The following LGR5 variants were observed in gnomAD, a reference collection of about 807,000 sequenced individuals.
The protein encoded by LGR5 is leucine rich repeat containing G protein-coupled receptor 5.
Under a neutral mutation model 76.7 loss-of-function variants are expected in LGR5, and 54 were observed. The observed-to-expected ratio is 0.70, with a 90% confidence interval of 0.57 to 0.88. The LOEUF is 0.88. Among genes scored for constraint, LGR5 ranks in the 40% least tolerant of loss-of-function variants. The pLI, the probability that LGR5 is intolerant of heterozygous loss-of-function variation, is 0.00. For synonymous variants in LGR5, 406 were observed against 421.9 expected (o/e 0.96, Z 0.46); for missense variants, 1,078 against 1,073.3 (o/e 1.00, Z -0.06).
In LGR5 at chr12:71,526,421, T is replaced by A. The variant is rs1467015522; in HGVS notation, c.356+1944T>A. Reference sequence around the variant, plus strand: ...TTATTTCTCATGCTAACTATTAAAATGTACCCTTTCCATCAGAAAAAAAAA... The same window carrying A: ...TTATTTCTCATGCTAACTATTAAAAAGTACCCTTTCCATCAGAAAAAAAAA... On this transcript the variant is annotated intron_variant, in intron 3 of 17. Coordinates refer to ENST00000266674, the MANE Select transcript of LGR5 (RefSeq NM_003667.4). Among the ~76,000 whole-genome samples the A allele has an allele frequency of 2.7e-5, 4 of 150,698 alleles. No individual in the cohort carries two copies. In the East Asian group the frequency reaches 7.7e-4, roughly 29 times the overall value.
At chr12:71,560,449 T>C (rs1252894647) in intron 7 of LGR5, among the ~76,000 whole-genome samples, 2 of 152,176 alleles carry the variant, frequency 1.3e-5, no homozygotes, top group Admixed American at 1.3e-4. Flanking sequence ...AGGAGATGTT[T>C]GTCTCGTTAT....
chr12:71,470,092 T>C (rs7976671), intron 1 of LGR5, among the ~76,000 whole-genome samples: 18,838 of 152,112 alleles, frequency 0.12, 1,288 homozygotes, highest in African/African-American at 0.18. Flanking sequence ...CTCCTGGGGG[T>C]ATCCATACCA....
chr12:71,477,023 G>A (rs1182034839), intron 1 of LGR5, among the ~76,000 whole-genome samples: 1 of 152,038 alleles, frequency 6.6e-6, no homozygotes, highest in Non-Finnish European at 1.5e-5. Flanking sequence ...ATAGTAGACA[G>A]GTACATTAAC....
At chr12:71,581,230 A>G (rs927682342) in intron 16 of LGR5, among the ~76,000 whole-genome samples, 7 of 152,230 alleles carry the variant, frequency 4.6e-5, no homozygotes, top group African/African-American at 1.7e-4. Flanking sequence ...AACTAATTCT[A>G]AATCATTCTC....
chr12:71,474,643 A>G (rs1185498939), intron 1 of LGR5, among the ~76,000 whole-genome samples: 1 of 152,228 alleles, frequency 6.6e-6, no homozygotes, highest in Non-Finnish European at 1.5e-5. Flanking sequence ...ACAAAGCAAC[A>G]TATGTTAATA....
In LGR5 at chr12:71,561,785, T is replaced by C. The variant is rs1203743034; in HGVS notation, c.790T>C (p.Phe264Leu). The C allele has an allele frequency of 6.3e-7, 1 of 1,597,114 alleles. No homozygotes were observed. The highest frequency in any genetic ancestry group is 8.6e-7 in the Non-Finnish European group (1 of 1,168,766). ...TAATTTTTTTTCTCTTTCTAGAGGA[T>C]TTCATAGCAACAATATCAGGTCGAT... ...RTLSNLKELGFHSNNIRSIPE... is the reference protein window; with the variant it reads ...RTLSNLKELGLHSNNIRSIPE... Residue 264 changes from phenylalanine (F) to leucine (L), a missense_variant, in exon 8 of 18, where the codon TTT (phenylalanine) becomes CTT (leucine). Coordinates refer to ENST00000266674, the MANE Select transcript of LGR5 (RefSeq NM_003667.4).
intron 4 of LGR5, among the ~76,000 whole-genome samples, chr12:71,545,797 C>T (rs559747597): frequency 2.0e-5 from 3 of 152,016 alleles, no homozygotes; most frequent in African/African-American, 7.2e-5. Context: ...GTATAAAGGG[C>T]CATTTTCTGG....
intron 15 of LGR5, among the ~76,000 whole-genome samples, chr12:71,579,313 T>G (rs949491290): frequency 6.6e-6 from 1 of 152,228 alleles, no homozygotes; most frequent in African/African-American, 2.4e-5. Flanking sequence ...AATTAATATT[T>G]GTTTGAGGAA....
intron 1 of LGR5, among the ~76,000 whole-genome samples, chr12:71,489,520 C>T (rs1055524546): frequency 1.3e-5 from 2 of 152,170 alleles, no homozygotes; most frequent in South Asian, 4.1e-4. Context: ...CATATTTTAA[C>T]AATTTCAGTG....
At chr12:71,485,387 G>A (rs1469120603) in intron 1 of LGR5, among the ~76,000 whole-genome samples, 2 of 152,086 alleles carry the variant, frequency 1.3e-5, no homozygotes, top group Non-Finnish European at 2.9e-5. Context: ...AACATCAGAA[G>A]CAAGCATTTA....
chr12:71,455,381 A>C (rs1872429419), intron 1 of LGR5, among the ~76,000 whole-genome samples: 1 of 152,132 alleles, frequency 6.6e-6, no homozygotes, highest in Non-Finnish European at 1.5e-5. Flanking sequence ...TGTGTATTGC[A>C]ATAGGGCAGG....
intron 1 of LGR5, among the ~76,000 whole-genome samples, chr12:71,484,413 C>G (rs1409488207): frequency 6.6e-6 from 1 of 152,150 alleles, no homozygotes; most frequent in Non-Finnish European, 1.5e-5. Flanking sequence ...AATATTTGAG[C>G]TTTTAAATCT....
chr12:71,475,472 G>T (rs1592471519), intron 1 of LGR5, among the ~76,000 whole-genome samples: 2 of 151,650 alleles, frequency 1.3e-5, no homozygotes, highest in East Asian at 3.9e-4. Flanking sequence ...AGCTTGATCT[G>T]GCCTTGGCTG....
intron 1 of LGR5, among the ~76,000 whole-genome samples, chr12:71,447,334 C>T (rs1398639815): frequency 6.6e-6 from 1 of 152,164 alleles, no homozygotes; most frequent in Admixed American, 6.5e-5. Context: ...CTGAACTATG[C>T]ATTTAATTTC....
At chr12:71,472,998 C>G (rs1873165554) in intron 1 of LGR5, among the ~76,000 whole-genome samples, 1 of 152,206 alleles carries the variant, frequency 6.6e-6, no homozygotes, top group Admixed American at 6.5e-5. Context: ...TAAATTCTCT[C>G]TCCCCAAGAG....
chr12:71,510,269 C>T (rs964634611), intron 2 of LGR5, among the ~76,000 whole-genome samples: 15 of 152,170 alleles, frequency 9.9e-5, no homozygotes, highest in African/African-American at 1.9e-4. Context: ...TGTTATTTCA[C>T]GGCAGTTATT....
intron 11 of LGR5, 173 bp downstream of exon 11, chr12:71,567,085 TG>T (rs1878388290): frequency 3.3e-6 from 2 of 608,926 alleles, no homozygotes; most frequent in Non-Finnish European, 5.9e-6. Context: ...GACATGATCC[TG>T]GTAACAAATG....
chr12:71,500,216 G>T (rs1874538015), intron 1 of LGR5, among the ~76,000 whole-genome samples: 1 of 152,076 alleles, frequency 6.6e-6, no homozygotes, highest in Non-Finnish European at 1.5e-5. Flanking sequence ...GATACTGTCT[G>T]CTGGGATGGA....
intron 1 of LGR5, among the ~76,000 whole-genome samples, chr12:71,476,754 A>G (rs1195778842): frequency 6.6e-6 from 1 of 152,196 alleles, no homozygotes; most frequent in Admixed American, 6.5e-5. Context: ...ATTTTGGGAA[A>G]GAAATCTGTT....
Sources: allele counts gnomAD v4.1 joint callset (sites outside exome capture counted in the v4.1 genomes callset), GRCh38; gene constraint gnomAD v4.1.1; transcripts MANE v1.5; gene names NCBI Gene and HGNC (gene_info 2026-07-23, HGNC 2026-07-21).